LRRC4C: variants seen among roughly 807,000 people sequenced by gnomAD.
LRRC4C encodes the protein leucine-rich repeat-containing protein 4C.
Under a neutral mutation model 33.6 loss-of-function variants are expected in LRRC4C, and 5 were observed. That is an observed-to-expected ratio of 0.15 (90% CI 0.08 to 0.31). LRRC4C has a LOEUF of 0.31. LRRC4C is among the 10% of genes least tolerant of loss of function. The pLI, the probability that LRRC4C is intolerant of heterozygous loss-of-function variation, is 1.00. For synonymous variants in LRRC4C, 329 were observed against 302.0 expected, an observed-to-expected ratio of 1.09 and a Z score of -0.93; for missense variants, 560 against 796.7, an observed-to-expected ratio of 0.70 and a Z score of 3.58.
chr11:40,452,006 C>T (rs907133118), intron 3 of LRRC4C, among the ~76,000 whole-genome samples: 2 of 152,102 alleles, frequency 1.3e-5, no homozygotes, highest in African/African-American at 2.4e-5. Flanking sequence ...AATCGCCTCA[C>T]CCAGGAAGTG....
At chr11:40,714,234 AC>A (rs1402900841) in intron 2 of LRRC4C, among the ~76,000 whole-genome samples, 1 of 152,144 alleles carries the variant, frequency 6.6e-6, no homozygotes, top group Admixed American at 6.5e-5. Context: ...AGCCAGAACC[AC>A]CATGTCATTT....
At chr11:41,309,234 G>A (rs1365768685) in intron 1 of LRRC4C, among the ~76,000 whole-genome samples, 1 of 152,194 alleles carries the variant, frequency 6.6e-6, no homozygotes, top group Non-Finnish European at 1.5e-5. Flanking sequence ...GGGGGTGGGA[G>A]TGCTCTCTGA....
At chr11:41,399,532 GT>G (rs1953948044) in intron 1 of LRRC4C, among the ~76,000 whole-genome samples, 1 of 151,896 alleles carries the variant, frequency 6.6e-6, no homozygotes, top group African/African-American at 2.4e-5. Context: ...TGCCTCAGAG[GT>G]ACTGTAGGGC....
At chr11:40,483,375 G>A (rs1167142837) in intron 3 of LRRC4C, among the ~76,000 whole-genome samples, 1 of 152,098 alleles carries the variant, frequency 6.6e-6, no homozygotes, top group Non-Finnish European at 1.5e-5. Flanking sequence ...TTTCATGTTT[G>A]GGATCATGGT....
intron 1 of LRRC4C, among the ~76,000 whole-genome samples, chr11:40,973,341 AG>A (rs1851863489): frequency 6.6e-6 from 1 of 152,186 alleles, no homozygotes; most frequent in Non-Finnish European, 1.5e-5. Context: ...ACTTAGGCAA[AG>A]AAAAAAATAA....
At chr11:40,341,187 T>G (rs1458662178) in intron 3 of LRRC4C, among the ~76,000 whole-genome samples, 1 of 152,186 alleles carries the variant, frequency 6.6e-6, no homozygotes, top group Non-Finnish European at 1.5e-5. Flanking sequence ...AAATTTGTCT[T>G]TGCAATAGTT....
At chr11:41,054,809 G>A (rs753631795) in intron 1 of LRRC4C, among the ~76,000 whole-genome samples, 4 of 152,188 alleles carry the variant, frequency 2.6e-5, no homozygotes, top group African/African-American at 4.8e-5. Flanking sequence ...AAGCAGATAT[G>A]AGAAATATCA....
In LRRC4C at chr11:40,561,729, A is replaced by G. The variant is rs190524816; in HGVS notation, c.-270+86413T>C. 5.8e-3 allele frequency among the ~76,000 whole-genome samples: 883 copies of G among 152,216 alleles called. 13 individuals carry two copies. Among genetic ancestry groups the G allele is most frequent in the African/African-American group, 0.02 (845 of 41,530 alleles). On this transcript the variant is annotated intron_variant, in intron 3 of 6. Coordinates refer to ENST00000528697, the MANE Select transcript of LRRC4C (RefSeq NM_001258419.2). Reference sequence around the variant, plus strand: ...GCCCGGCCCGTTGTTGTTGTTTTAAAGTAGACTCCTAAAGAAGGAGATTAG... The same window carrying G: ...GCCCGGCCCGTTGTTGTTGTTTTAAGGTAGACTCCTAAAGAAGGAGATTAG...
rs1855337565 is a variant in LRRC4C, at chr11:40,115,222, C to T, written c.1071G>A (p.Val357=). ...NYFTCYAPVI[V]EPPADLNVTE... is the part of the protein sequence containing the mutation. ...TGACATTGAGGTCTGCAGGGGGCTC[C>T]ACAATCACCGGAGCATAGCATGTGA... The change falls in exon 7 of 7, where the codon GTG becomes GTA. Residue 357 remains valine (V), a synonymous_variant. Transcript: ENST00000528697. The surrounding 1 kb of genome is among the most constrained non-coding windows in gnomAD (Gnocchi z 6.7). 1 of 1,614,040 alleles carries T rather than the reference C, an allele frequency of 6.2e-7. No individual in the cohort carries two copies. Among genetic ancestry groups the T allele is most frequent in the African/African-American group, 1.3e-5 (1 of 74,906 alleles).
chr11:41,391,632 A>G (rs960921562), intron 1 of LRRC4C, among the ~76,000 whole-genome samples: 29 of 151,854 alleles, frequency 1.9e-4, no homozygotes, highest in African/African-American at 7.0e-4. Flanking sequence ...TTATTTCCAC[A>G]TTTGATAAGT....
chr11:40,321,831 A>C (rs1220877425), intron 3 of LRRC4C, among the ~76,000 whole-genome samples: 2 of 152,204 alleles, frequency 1.3e-5, no homozygotes, highest in African/African-American at 4.8e-5. Context: ...CAGGGGAACA[A>C]AATGATGTCT....
At chr11:41,156,478 A>G (rs923911115) in intron 1 of LRRC4C, among the ~76,000 whole-genome samples, 35 of 152,140 alleles carry the variant, frequency 2.3e-4, no homozygotes, top group African/African-American at 8.2e-4. Context: ...CCCACTTAAC[A>G]TTAACAATTT....
chr11:40,712,099 G>A lies in LRRC4C; in HGVS notation c.-406-63821C>T, dbSNP rs193059636. On this transcript the variant is annotated intron_variant, in intron 2 of 6. Coordinates refer to ENST00000528697, the MANE Select transcript of LRRC4C (RefSeq NM_001258419.2). ...ATTGTTGTCACTTGAAATTATAAAG[G>A]AATTTCTAAGGAGGATTGATGAAGT... Among the ~76,000 whole-genome samples the A allele has an allele frequency of 6.0e-5, 9 of 150,840 alleles. No homozygotes were observed. In the East Asian group the frequency reaches 1.8e-3, roughly 30 times the overall value.
intron 3 of LRRC4C, among the ~76,000 whole-genome samples, chr11:40,613,381 A>G (rs1480587990): frequency 6.6e-6 from 1 of 151,818 alleles, no homozygotes; most frequent in Non-Finnish European, 1.5e-5. Context: ...TCAAGAAACC[A>G]CTTTCTTTGC....
In LRRC4C at chr11:40,948,524, C is replaced by T. The variant is rs1397551992; in HGVS notation, c.-495-14801G>A. Among the ~76,000 whole-genome samples, 277 of 122,586 alleles carry T rather than the reference C, an allele frequency of 2.3e-3. 2 individuals carry two copies. The highest frequency in any genetic ancestry group is 8.1e-3 in the African/African-American group (264 of 32,788). 80.4% of individuals were successfully genotyped at this position (122,586 alleles called of 152,430 possible). A position where few individuals can be genotyped will look rare whatever the true frequency, so the allele number is the denominator to read the frequency against. On this transcript the variant is annotated intron_variant, in intron 1 of 6. Coordinates refer to ENST00000528697, the MANE Select transcript of LRRC4C (RefSeq NM_001258419.2). ...CAATGCTATCCCTCCCCCCTCCCCC[C>T]ACCCCACAACAGTCCCCAGAGTGTG...
At chr11:40,292,662 G>C (rs903467269) in intron 4 of LRRC4C, 1 of 141,006 alleles carries the variant, frequency 7.1e-6, no homozygotes, top group East Asian at 2.1e-4. Flanking sequence ...TTGGGGGGGG[G>C]GAGGGGAACA....
At chr11:40,214,724 T>C (rs1368186584) in intron 5 of LRRC4C, among the ~76,000 whole-genome samples, 1 of 152,134 alleles carries the variant, frequency 6.6e-6, no homozygotes, top group Non-Finnish European at 1.5e-5. Context: ...GATCCCAGAC[T>C]CCCAGCCTCC....
chr11:41,112,409 G>A (rs776926265), intron 1 of LRRC4C, among the ~76,000 whole-genome samples: 2 of 152,068 alleles, frequency 1.3e-5, no homozygotes, highest in Admixed American at 6.6e-5. Context: ...TGTCTTAGAT[G>A]CTGTCTATTA....
At chr11:41,238,101 A>G (rs1948100801) in intron 1 of LRRC4C, among the ~76,000 whole-genome samples, 1 of 152,076 alleles carries the variant, frequency 6.6e-6, no homozygotes. Context: ...CTAATTTTCT[A>G]CTTCTTCAAT....
Sources: allele counts gnomAD v4.1 joint callset (sites outside exome capture counted in the v4.1 genomes callset), GRCh38; gene constraint gnomAD v4.1.1; non-coding constraint Gnocchi (gnomAD v3.1); transcripts MANE v1.5; gene names NCBI Gene and HGNC (gene_info 2026-07-23, HGNC 2026-07-21).